Variants in PCNT observed in about 807,000 individuals in gnomAD.
PCNT encodes the protein kendrin.
In PCNT, 319 loss-of-function variants were observed where a neutral mutation model predicts 380.4. That is an observed-to-expected ratio of 0.84 (90% CI 0.77 to 0.92). The LOEUF (loss-of-function observed/expected upper bound fraction) is 0.92, where lower values mean the gene tolerates loss of function less well. Ranked by LOEUF, PCNT falls within the 40% of genes least tolerant of loss-of-function variation. The probability of loss-of-function intolerance (pLI) is 0.00; values close to 1 mark genes in which losing one functional copy is unlikely to be tolerated. For missense variants in PCNT, 4,400 were observed against 4,255.3 expected (o/e 1.03, Z -0.95); for synonymous variants, 1,845 against 1,735.2 (o/e 1.06, Z -1.57).
rs1415419012 is a variant in PCNT, at chr21:46,387,497, T to C, written c.3465-1245T>C. ...AAGGGGTGCAGAGGTGAGCCCACGG[T>C]CCCTGGACACTGGAGAGGCTGCCTG... On this transcript the variant is annotated intron_variant, in intron 17 of 46. Coordinates refer to ENST00000359568, the MANE Select transcript of PCNT (RefSeq NM_006031.6). Among the ~76,000 whole-genome samples, 6 of 152,018 alleles carry C rather than the reference T, an allele frequency of 3.9e-5. No individual in the cohort carries two copies. In the South Asian group the frequency reaches 6.2e-4, roughly 16 times the overall value.
At position 46,416,511 on chromosome 21, in the gene PCNT, G is replaced by A. The variant is rs137977081; in HGVS notation, c.6593G>A (p.Gly2198Asp). 3.1e-5 allele frequency: 50 copies of A among 1,613,658 alleles called. No individual in the cohort carries two copies. The highest frequency in any genetic ancestry group is 4.2e-5 in the Non-Finnish European group (49 of 1,179,992). The change falls in exon 30 of 47, where the codon GGT becomes GAT. Residue 2198 changes from glycine to aspartate, a missense_variant. By Grantham distance (94) the Gly-to-Asp change is moderately conservative. Coordinates refer to ENST00000359568, the MANE Select transcript of PCNT (RefSeq NM_006031.6). The part of the protein sequence containing the change: ...MSLSSPTSVL[G>D]GSRHQSHTAE... ...CTTTCTTCACCGACCAGCGTACTTG[G>A]TGGCTCCCGCCACCAGAGCCACACT...
intron 43 of PCNT, among the ~76,000 whole-genome samples, 166 bp from the exon 44 acceptor site, chr21:46,442,331 C>A (rs1358766420): frequency 6.6e-6 from 1 of 152,040 alleles, no homozygotes; most frequent in African/African-American, 2.4e-5. Flanking sequence ...GATGTGTGCA[C>A]CCGGCATGCC....
In PCNT at chr21:46,391,396, G is replaced by A; in HGVS notation, c.4216+20G>A. On this transcript the variant is annotated intron_variant, in intron 21 of 46. Coordinates refer to ENST00000359568, the MANE Select transcript of PCNT (RefSeq NM_006031.6). ...AAGCTGGTAAGGAGCGCGGGCTGTG[G>A]AGGGTGGTGCGAGCTGTGGGGCGCG... 1.3e-6 allele frequency: 2 copies of A among 1,540,028 alleles called. No homozygotes were observed. Among genetic ancestry groups the A allele is most frequent in the East Asian group, 4.9e-5 (2 of 40,714 alleles).
intron 2 of PCNT, among the ~76,000 whole-genome samples, chr21:46,330,161 A>G (rs1026211821): frequency 5.9e-5 from 9 of 152,084 alleles, no homozygotes; most frequent in Admixed American, 5.9e-4. Context: ...TTTCTTGACC[A>G]GGCTGGAGTG....
intron 29 of PCNT, among the ~76,000 whole-genome samples, chr21:46,415,473 C>A (rs1173663307): frequency 6.6e-6 from 1 of 150,486 alleles, no homozygotes; most frequent in Non-Finnish European, 1.5e-5. Flanking sequence ...GCAACCTCCA[C>A]CTCCTGGGTT....
At chr21:46,432,951 G>A (rs1402678860) in intron 38 of PCNT, among the ~76,000 whole-genome samples, 2 of 152,110 alleles carry the variant, frequency 1.3e-5, no homozygotes, top group Non-Finnish European at 2.9e-5. Context: ...GTTTCTTTCA[G>A]TAGTGTTTCA....
intron 1 of PCNT, chr21:46,325,006 C>T (rs2083324684): frequency 5.1e-6 from 5 of 985,142 alleles, no homozygotes; most frequent in South Asian, 4.7e-5. Context: ...CGGGAACCCA[C>T]GCGGCGCTGG....
intron 41 of PCNT, among the ~76,000 whole-genome samples, chr21:46,439,576 C>T (rs973440729): frequency 2.0e-5 from 3 of 152,160 alleles, no homozygotes; most frequent in African/African-American, 7.2e-5. Context: ...TAGTTGTCAT[C>T]CTGTATTGTT....
intron 15 of PCNT, among the ~76,000 whole-genome samples, chr21:46,368,320 C>A (rs1394952133): frequency 6.6e-6 from 1 of 152,060 alleles, no homozygotes; most frequent in South Asian, 2.1e-4. Context: ...TGGTGGCGGA[C>A]GCCTGTAGTC....
rs1224144653 is a variant in PCNT, at chr21:46,334,433, G to C, written c.304G>C (p.Glu102Gln). 2 of 1,614,220 alleles carry C rather than the reference G, an allele frequency of 1.2e-6. No individual in the cohort carries two copies. The highest frequency in any genetic ancestry group is 1.7e-6 in the Non-Finnish European group (2 of 1,180,036). The change falls in exon 3 of 47, where the codon GAA (glutamate) becomes CAA (glutamine). Residue 102 changes from glutamate to glutamine, a missense_variant. Coordinates refer to ENST00000359568, the MANE Select transcript of PCNT (RefSeq NM_006031.6). ...DCDGEKREDLEQLQQKQVNDH... is the reference protein window; with the variant it reads ...DCDGEKREDLQQLQQKQVNDH... ...TGATGGAGAGAAGAGAGAGGACTTG[G>C]AACAGCTGCAGCAGAAGCAAGTCAA...
At chr21:46,434,596 G>T (rs2087890432) in intron 38 of PCNT, among the ~76,000 whole-genome samples, 1 of 152,230 alleles carries the variant, frequency 6.6e-6, no homozygotes, top group African/African-American at 2.4e-5. Context: ...TCTGTCCCCT[G>T]CCTGGTGGGA....
Position 46,411,680 on chromosome 21 carries a change from G to A in PCNT, c.5607G>A (p.Thr1869=), listed in dbSNP as rs763347923. The change falls in exon 28 of 47, where the codon ACG becomes ACA. Residue 1869 remains threonine, a synonymous_variant. Transcript: ENST00000359568. Reference sequence around the variant, plus strand: ...CGGCCCTGAAAGCAAAGGAAGCGACGATTGCCGAGAGAAATTTAGAAATCG... The same window carrying A: ...CGGCCCTGAAAGCAAAGGAAGCGACAATTGCCGAGAGAAATTTAGAAATCG... ...FEAALKAKEA[T]IAERNLEIDA... The A allele has an allele frequency of 3.7e-6, 6 of 1,612,994 alleles. No individual in the cohort carries two copies. The highest frequency in any genetic ancestry group is 1.3e-5 in the African/African-American group (1 of 75,064).
chr21:46,432,956 G>A (rs901154337), intron 38 of PCNT, among the ~76,000 whole-genome samples: 6 of 152,046 alleles, frequency 3.9e-5, no homozygotes, highest in African/African-American at 1.4e-4. Flanking sequence ...TTTCAGTAGT[G>A]TTTCATTGCT....
intron 13 of PCNT, among the ~76,000 whole-genome samples, chr21:46,360,915 A>G (rs1183021493): frequency 6.6e-6 from 1 of 152,082 alleles, no homozygotes; most frequent in East Asian, 1.9e-4. Context: ...TGGTTGATTT[A>G]GGTCTTCCGT....
Position 46,325,038 on chromosome 21 carries a change from G to A in PCNT, c.54+756G>A, listed in dbSNP as rs544125011. The A allele has an allele frequency of 2.1e-5, 21 of 985,514 alleles. 1 individual carries two copies. The South Asian group carries it at 8.5e-4, about 40-fold the overall frequency. 61.0% of individuals were successfully genotyped at this position (985,514 alleles called of 1,614,324 possible). ...CTGGCGCCGGGCGCCTTCAAGGGAC[G>A]CGCTCCCGTCTTTCTCCCGCCCCGG... On this transcript the variant is annotated intron_variant, in intron 1 of 46. Transcript: ENST00000359568.
At chr21:46,343,471 A>G (rs1229651416) in intron 3 of PCNT, among the ~76,000 whole-genome samples, 1 of 152,004 alleles carries the variant, frequency 6.6e-6, no homozygotes, top group Non-Finnish European at 1.5e-5. Flanking sequence ...CATCCCTGGT[A>G]TGAAACCCAA....
At chr21:46,395,161 T>G (rs1386802023) in intron 21 of PCNT, among the ~76,000 whole-genome samples, 2 of 152,276 alleles carry the variant, frequency 1.3e-5, no homozygotes, top group East Asian at 3.8e-4. Context: ...CAACATTTAT[T>G]GAGAATGTTA....
Position 46,440,713 on chromosome 21 carries a change from G to T in PCNT, c.9394-142G>T, listed in dbSNP as rs374146710. ...AAGGTTGTTTCTGGCCACAGATACT[G>T]TTGGAAGGCCGATGGCTCTGTGATG... On this transcript the variant is annotated intron_variant, in intron 42 of 46. Transcript: ENST00000359568. 22 of 551,516 alleles carry T rather than the reference G, an allele frequency of 4.0e-5. No individual in the cohort carries two copies. In the East Asian group the frequency reaches 5.2e-4, roughly 13 times the overall value. 34.2% of individuals were successfully genotyped at this position (551,516 alleles called of 1,614,324 possible). A position where few individuals can be genotyped will look rare whatever the true frequency, so the allele number is the denominator to read the frequency against.
At chr21:46,369,939 G>A (rs3788258) in intron 15 of PCNT, among the ~76,000 whole-genome samples, 18,230 of 152,230 alleles carry the variant, frequency 0.12, 1,221 homozygotes, top group South Asian at 0.21. Context: ...CAGGGCAGGC[G>A]GAGCTGGAGG....
Sources: gnomAD v4.1 joint callset for allele counts (sites outside exome capture counted in the v4.1 genomes callset) on GRCh38, gnomAD v4.1.1 for gene constraint, MANE v1.5 for transcripts, NCBI Gene and HGNC (gene_info 2026-07-23, HGNC 2026-07-21) for gene names.